PHACTR3: variants seen among roughly 807,000 people sequenced by gnomAD.
PHACTR3 encodes protein phosphatase 1, regulatory subunit 123.
In PHACTR3, 16 loss-of-function variants were observed where a neutral mutation model predicts 66.8. The ratio of observed to expected loss-of-function variants is 0.24; its 90% CI spans 0.16 to 0.36. The LOEUF is 0.36. Ranked by LOEUF, PHACTR3 falls within the 10% of genes least tolerant of loss-of-function variation. The pLI, the probability that PHACTR3 is intolerant of heterozygous loss-of-function variation, is 1.00. For synonymous variants in PHACTR3, 323 were observed against 292.1 expected, an observed-to-expected ratio of 1.11 and a Z score of -1.08; for missense variants, 647 against 719.9, an observed-to-expected ratio of 0.90 and a Z score of 1.16.
intron 1 of PHACTR3, among the ~76,000 whole-genome samples, chr20:59,611,274 C>A (rs1299577521): frequency 6.6e-6 from 1 of 152,232 alleles, no homozygotes; most frequent in African/African-American, 2.4e-5. Flanking sequence ...CTTTAGGAGG[C>A]AGACACCTCC....
At chr20:59,757,778 G>A (rs369771765) in intron 4 of PHACTR3, among the ~76,000 whole-genome samples, 24 of 152,274 alleles carry the variant, frequency 1.6e-4, no homozygotes, top group Admixed American at 1.3e-4. Flanking sequence ...ATAGCATGAC[G>A]CCATCTCTAC....
chr20:59,833,095 A>G (rs946357), intron 8 of PHACTR3, among the ~76,000 whole-genome samples: 148,603 of 152,246 alleles, frequency 0.98, 72,545 homozygotes, highest in East Asian at 1. Flanking sequence ...GTAGAGAGGC[A>G]GGTTGGTGAC....
chr20:59,790,848 C>T (rs989915918), intron 7 of PHACTR3, among the ~76,000 whole-genome samples: 1 of 151,100 alleles, frequency 6.6e-6, no homozygotes, highest in African/African-American at 2.4e-5. Context: ...TACTATCTTT[C>T]CTTAATACTA....
intron 1 of PHACTR3, among the ~76,000 whole-genome samples, chr20:59,636,028 G>A (rs1418583212): frequency 6.6e-6 from 1 of 152,340 alleles, no homozygotes; most frequent in Middle Eastern, 3.4e-3. Context: ...AGAAGCTGCT[G>A]CTCCTTCACA....
At chr20:59,785,400 T>C (rs2040869753) in intron 7 of PHACTR3, among the ~76,000 whole-genome samples, 1 of 152,134 alleles carries the variant, frequency 6.6e-6, no homozygotes, top group Admixed American at 6.5e-5. Flanking sequence ...TACAGTCACA[T>C]TGTGGGTCAA....
intron 1 of PHACTR3, among the ~76,000 whole-genome samples, chr20:59,597,319 A>G (rs2033353873): frequency 6.6e-6 from 1 of 152,060 alleles, no homozygotes; most frequent in East Asian, 1.9e-4. Context: ...TAATCTTGTT[A>G]CCTCCTCCTC....
At chr20:59,586,575 G>A (rs553607202) in intron 1 of PHACTR3, among the ~76,000 whole-genome samples, 8 of 152,120 alleles carry the variant, frequency 5.3e-5, no homozygotes, top group Non-Finnish European at 7.4e-5. Flanking sequence ...AAAATAAGGC[G>A]ATATTCCTCT....
At position 59,830,866 on chromosome 20, in the gene PHACTR3, G is replaced by A. The variant is rs754393907; in HGVS notation, c.1329-5639G>A. Among the ~76,000 whole-genome samples, 79 of 152,136 alleles carry A rather than the reference G, an allele frequency of 5.2e-4. 1 individual carries two copies. The highest frequency in any genetic ancestry group is 4.6e-4 in the Admixed American group (7 of 15,280). On this transcript the variant is annotated intron_variant, in intron 8 of 12. Coordinates refer to ENST00000371015, the MANE Select transcript of PHACTR3 (RefSeq NM_080672.5). The surrounding 1 kb of genome is among the most constrained non-coding windows in gnomAD (Gnocchi z 5.8). ...GAATCCTAGCTCTGTGCCAGTGCTG[G>A]GGCACCAGTGCTGACTGTGGAATAG...
Position 59,604,940 on chromosome 20 carries a change from C to T in PHACTR3, c.-75C>T. 1 of 1,232,816 alleles carries T rather than the reference C, an allele frequency of 8.1e-7. No individual in the cohort carries two copies. The highest frequency in any genetic ancestry group is 3.2e-5 in the East Asian group (1 of 31,400). The allele number at this position is 1,232,816 out of a possible 1,614,324, so 76.4% of individuals were successfully genotyped here. A position where few individuals can be genotyped will look rare whatever the true frequency, so the allele number is the denominator to read the frequency against. On this transcript the variant is annotated 5_prime_UTR_variant, in exon 1 of 13. Coordinates refer to ENST00000371015, the MANE Select transcript of PHACTR3 (RefSeq NM_080672.5). ...AAAGACGCCCCCTCCAGCCCCCTCGCCGGTGACCTTGGCCGCCTCGGATGC... is the reference window on the plus strand; with the variant it reads ...AAAGACGCCCCCTCCAGCCCCCTCGTCGGTGACCTTGGCCGCCTCGGATGC...
chr20:59,846,498 C>T lies in PHACTR3; in HGVS notation c.1665-617C>T, dbSNP rs567924197. Among the ~76,000 whole-genome samples, 23 of 152,264 alleles carry T rather than the reference C, an allele frequency of 1.5e-4. No homozygotes were observed. The East Asian group carries it at 3.3e-3, about 22-fold the overall frequency. On this transcript the variant is annotated intron_variant, in intron 12 of 12. Coordinates refer to ENST00000371015, the MANE Select transcript of PHACTR3 (RefSeq NM_080672.5). ...AGTTTCAGTAAATCATGCACAATTA[C>T]ATTTAATGTTCATTCTGTCTTAAAT...
chr20:59,691,637 A>T (rs1229043760), intron 1 of PHACTR3, among the ~76,000 whole-genome samples: 1 of 152,002 alleles, frequency 6.6e-6, no homozygotes, highest in African/African-American at 2.4e-5. Flanking sequence ...CTTCTTGTTT[A>T]TTTTTTATAT....
At chr20:59,803,924 A>C (rs1300837656) in intron 7 of PHACTR3, among the ~76,000 whole-genome samples, 6 of 152,124 alleles carry the variant, frequency 3.9e-5, no homozygotes, top group Non-Finnish European at 8.8e-5. Context: ...ATCTAGACTG[A>C]AAGCTCTCCG....
intron 7 of PHACTR3, among the ~76,000 whole-genome samples, chr20:59,800,792 G>A (rs2146981825): frequency 6.6e-6 from 1 of 152,296 alleles, no homozygotes; most frequent in South Asian, 2.1e-4. Flanking sequence ...GTTCTGGGAA[G>A]CAGTTAAGTT....
chr20:59,823,437 C>G (rs746063526), intron 8 of PHACTR3, among the ~76,000 whole-genome samples: 23 of 152,184 alleles, frequency 1.5e-4, no homozygotes, highest in Non-Finnish European at 2.1e-4. Context: ...GGTGACTACT[C>G]AAAAAGCCAT....
intron 7 of PHACTR3, among the ~76,000 whole-genome samples, chr20:59,799,147 T>A (rs2041341407): frequency 6.6e-6 from 1 of 151,860 alleles, no homozygotes; most frequent in Non-Finnish European, 1.5e-5. Flanking sequence ...TCAGAGAACA[T>A]ACTTGGTATG....
intron 1 of PHACTR3, among the ~76,000 whole-genome samples, chr20:59,740,266 C>T (rs1313823375): frequency 6.6e-6 from 1 of 151,956 alleles, no homozygotes; most frequent in Non-Finnish European, 1.5e-5. Context: ...TATTAATAAA[C>T]TGTGTATTGT....
intron 1 of PHACTR3, among the ~76,000 whole-genome samples, chr20:59,684,857 G>T (rs1158170765): frequency 1.3e-5 from 2 of 152,206 alleles, no homozygotes; most frequent in Admixed American, 1.3e-4. Context: ...AAACTGCTGG[G>T]CTCCAGGCTA....
chr20:59,685,164 C>T (rs552006638), intron 1 of PHACTR3, among the ~76,000 whole-genome samples: 46 of 152,220 alleles, frequency 3.0e-4, no homozygotes, highest in Non-Finnish European at 6.3e-4. Context: ...CCTGCTGGGC[C>T]CCTGCTTCTG....
At chr20:59,709,481 G>GT (rs1385426149) in intron 1 of PHACTR3, among the ~76,000 whole-genome samples, 25 of 151,882 alleles carry the variant, frequency 1.6e-4, no homozygotes, top group Admixed American at 2.0e-4. Flanking sequence ...AGAAGCCAGG[G>GT]TTTTTTTTCC....
Sources: gnomAD v4.1 joint callset for allele counts (sites outside exome capture counted in the v4.1 genomes callset) on GRCh38, gnomAD v4.1.1 for gene constraint, Gnocchi (gnomAD v3.1) non-coding constraint, MANE v1.5 for transcripts, NCBI Gene and HGNC (gene_info 2026-07-23, HGNC 2026-07-21) for gene names.